The following HIVEP3 variants were observed in gnomAD, a reference collection of about 807,000 sequenced individuals.
The protein encoded by HIVEP3 is HIVEP zinc finger 3, also known as transcription factor HIVEP3.
In HIVEP3, 49 loss-of-function variants were observed where a neutral mutation model predicts 152.8. That is an observed-to-expected ratio of 0.32 (90% CI 0.26 to 0.41). The LOEUF (loss-of-function observed/expected upper bound fraction) is 0.41, where lower values mean the gene tolerates loss of function less well. Among genes scored for constraint, HIVEP3 ranks in the 10% least tolerant of loss-of-function variants. The pLI is 1.00. For missense variants in HIVEP3, 2,790 were observed against 3,103.3 expected, an observed-to-expected ratio of 0.90 and a Z score of 2.40; for synonymous variants, 1,269 against 1,289.0, an observed-to-expected ratio of 0.98 and a Z score of 0.33.
At chr1:41,822,746 G>T (rs1339934379) in intron 1 of HIVEP3, among the ~76,000 whole-genome samples, 1 of 152,190 alleles carries the variant, frequency 6.6e-6, no homozygotes, top group African/African-American at 2.4e-5. Context: ...CTTGGTCTGG[G>T]AAGGGGACCT....
Position 41,523,467 on chromosome 1 carries a change from GA to G in HIVEP3, c.5383+1267del, listed in dbSNP as rs1642818545. Among the ~76,000 whole-genome samples the G allele has an allele frequency of 9.2e-5, 14 of 152,306 alleles. 1 individual carries two copies. In the South Asian group the frequency reaches 2.9e-3, roughly 32 times the overall value. On this transcript the variant is annotated intron_variant, in intron 6 of 8. Coordinates refer to ENST00000372583, the MANE Select transcript of HIVEP3 (RefSeq NM_024503.5). ...CTCAACTTGCAGATGATGGCGAGGG[GA>G]CAGAGGAGGGCAGGGGTTCAGTTAA...
intron 1 of HIVEP3, among the ~76,000 whole-genome samples, chr1:41,861,861 G>T (rs1643891055): frequency 6.6e-6 from 1 of 152,212 alleles, no homozygotes; most frequent in Admixed American, 6.5e-5. Flanking sequence ...CTAGACGAGA[G>T]GTGATGAGAA....
chr1:41,844,494 G>T (rs661225), intron 1 of HIVEP3, among the ~76,000 whole-genome samples: 1 of 152,002 alleles, frequency 6.6e-6, no homozygotes, highest in Non-Finnish European at 1.5e-5. Flanking sequence ...ATCCGATGCC[G>T]CTTCTTACCT....
chr1:41,751,028 C>A (rs188323970), intron 1 of HIVEP3, among the ~76,000 whole-genome samples: 14 of 152,228 alleles, frequency 9.2e-5, no homozygotes, highest in East Asian at 7.7e-4. Context: ...CCCCAGTGCA[C>A]CCTTGGACTA....
intron 5 of HIVEP3, among the ~76,000 whole-genome samples, chr1:41,531,336 A>G (rs1452717869): frequency 3.7e-5 from 5 of 135,858 alleles, no homozygotes; most frequent in African/African-American, 1.4e-4. Flanking sequence ...GACATGAGAC[A>G]TAGAGGACAG....
intron 1 of HIVEP3, among the ~76,000 whole-genome samples, chr1:41,895,158 G>C (rs1644507534): frequency 1.3e-5 from 2 of 152,226 alleles, no homozygotes; most frequent in Non-Finnish European, 2.9e-5. Context: ...CAAGTCCTGA[G>C]AGGTGCAGCT....
At chr1:41,652,940 C>T (rs1205770360) in intron 2 of HIVEP3, among the ~76,000 whole-genome samples, 1 of 152,094 alleles carries the variant, frequency 6.6e-6, no homozygotes, top group African/African-American at 2.4e-5. Flanking sequence ...TGAGCACACA[C>T]AATACTTCTG....
chr1:41,530,036 TCATA>T (rs1248595397), intron 5 of HIVEP3, among the ~76,000 whole-genome samples: 4 of 145,912 alleles, frequency 2.7e-5, no homozygotes, highest in Non-Finnish European at 6.0e-5. Context: ...ACACTCACGC[TCATA>T]CACTCTCCTG....
rs137997093 is a variant in HIVEP3 at position 41,842,404 on chromosome 1, C to T, written c.-801+76009G>A. On this transcript the variant is annotated intron_variant, in intron 1 of 8. Transcript: ENST00000372583. ...GGAGCCAGGTTTGGCAACTCACTCCCCACTGTCCCATTACTGGCCCCTCAT... is the reference window on the plus strand; with the variant it reads ...GGAGCCAGGTTTGGCAACTCACTCCTCACTGTCCCATTACTGGCCCCTCAT... Among the ~76,000 whole-genome samples, 289 of 152,272 alleles carry T rather than the reference C, an allele frequency of 1.9e-3. 1 individual carries two copies. The highest frequency in any genetic ancestry group is 6.6e-3 in the African/African-American group (276 of 41,566).
chr1:41,807,226 C>T (rs184667451), intron 1 of HIVEP3, among the ~76,000 whole-genome samples: 3 of 152,326 alleles, frequency 2.0e-5, no homozygotes, highest in East Asian at 1.9e-4. Flanking sequence ...CTCACCCTCA[C>T]GGGGAGGGCC....
intron 1 of HIVEP3, among the ~76,000 whole-genome samples, chr1:41,944,421 G>A (rs369174752): frequency 6.6e-6 from 1 of 152,128 alleles, no homozygotes; most frequent in Non-Finnish European, 1.5e-5. Flanking sequence ...ATCACCTAGG[G>A]AAGAGACGGC....
intron 2 of HIVEP3, among the ~76,000 whole-genome samples, chr1:41,646,090 G>C (rs1480862450): frequency 6.6e-6 from 1 of 152,156 alleles, no homozygotes; most frequent in Non-Finnish European, 1.5e-5. Flanking sequence ...GGAGAAGGGG[G>C]CTTCCAGGCA....
At chr1:41,705,272 C>T (rs564292675) in intron 1 of HIVEP3, among the ~76,000 whole-genome samples, 34 of 152,340 alleles carry the variant, frequency 2.2e-4, no homozygotes, top group African/African-American at 7.9e-4. Context: ...CTCATCTCCC[C>T]ACCCTGGCCT....
At chr1:41,739,380 G>A (rs1335102344) in intron 1 of HIVEP3, among the ~76,000 whole-genome samples, 2 of 152,232 alleles carry the variant, frequency 1.3e-5, no homozygotes, top group African/African-American at 2.4e-5. Flanking sequence ...ACTTGCCAGA[G>A]AGGGAGGCCC....
At chr1:41,751,470 T>C (rs1315572518) in intron 1 of HIVEP3, among the ~76,000 whole-genome samples, 1 of 151,950 alleles carries the variant, frequency 6.6e-6, no homozygotes, top group Middle Eastern at 3.2e-3. Context: ...TATATTTAAC[T>C]TCTGCCTGCA....
intron 1 of HIVEP3, among the ~76,000 whole-genome samples, chr1:41,888,674 T>C (rs1644391920): frequency 6.6e-6 from 1 of 150,420 alleles, no homozygotes; most frequent in African/African-American, 2.5e-5. Flanking sequence ...ATCACATACC[T>C]CATGTACCCC....
chr1:42,004,229 A>T (rs1232471956), intron 1 of HIVEP3, among the ~76,000 whole-genome samples: 4 of 152,198 alleles, frequency 2.6e-5, no homozygotes, highest in Non-Finnish European at 2.9e-5. Flanking sequence ...CATGTTCAAA[A>T]CAGGTAGAGC....
intron 1 of HIVEP3, among the ~76,000 whole-genome samples, chr1:41,748,487 G>C (rs1263812430): frequency 6.6e-6 from 1 of 152,164 alleles, no homozygotes; most frequent in African/African-American, 2.4e-5. Flanking sequence ...AGCAATCAGG[G>C]GGCAGCGCTG....
chr1:41,648,235 T>C (rs369412849), intron 2 of HIVEP3, among the ~76,000 whole-genome samples: 1 of 152,346 alleles, frequency 6.6e-6, no homozygotes, highest in East Asian at 1.9e-4. Context: ...CTGTTTAATT[T>C]CTCATGTCTT....
Sources: allele counts gnomAD v4.1 joint callset (sites outside exome capture counted in the v4.1 genomes callset), GRCh38; gene constraint gnomAD v4.1.1; transcripts MANE v1.5; gene names NCBI Gene and HGNC (gene_info 2026-07-23, HGNC 2026-07-21).